The following ROBO1 variants were observed in gnomAD, a reference collection of about 807,000 sequenced individuals.
The protein encoded by ROBO1 is roundabout homolog 1.
Under a neutral mutation model 195.9 loss-of-function variants are expected in ROBO1, and 149 were observed. The observed-to-expected ratio is 0.76, with a 90% CI of 0.67 to 0.87. The LOEUF is 0.87. Among genes scored for constraint, ROBO1 ranks in the 40% least tolerant of loss-of-function variants. The pLI is 0.00. For synonymous variants in ROBO1, 816 were observed against 733.2 expected (o/e 1.11, Z -1.82); for missense variants, 1,933 against 2,068.3 (o/e 0.93, Z 1.27).
intron 3 of ROBO1, among the ~76,000 whole-genome samples, chr3:78,954,541 C>A (rs2107792981): frequency 6.6e-6 from 1 of 152,078 alleles, no homozygotes; most frequent in East Asian, 1.9e-4. Flanking sequence ...GCTGTTAGAA[C>A]CAATCAGACG....
intron 2 of ROBO1, among the ~76,000 whole-genome samples, chr3:79,439,801 T>C (rs1262151799): frequency 6.6e-6 from 1 of 152,224 alleles, no homozygotes; most frequent in African/African-American, 2.4e-5. Context: ...TGTTTTTATG[T>C]TCATTCTTAG....
chr3:78,668,585 A>ATAAATATTTGGAAAAATCAAG lies in ROBO1; in HGVS notation c.1549-41_1549-21dup. The ATAAATATTTGGAAAAATCAAG allele has an allele frequency of 6.2e-7, 1 of 1,611,726 alleles. No individual in the cohort carries two copies. The highest frequency in any genetic ancestry group is 8.5e-7 in the Non-Finnish European group (1 of 1,178,314). On this transcript the variant is annotated intron_variant, in intron 11 of 30. Transcript: ENST00000464233. ...ACCCAGCTGAGAAGGCAGACAAAAA[A>ATAAATATTTGGAAAAATCAAG]TAAATATTTGGAAAAATCAAGAACT...
At chr3:78,651,407 A>T (rs2107618366) in intron 19 of ROBO1, among the ~76,000 whole-genome samples, 1 of 152,316 alleles carries the variant, frequency 6.6e-6, no homozygotes, top group Admixed American at 6.5e-5. Flanking sequence ...CAAGAACATT[A>T]AAAATTTCCT....
intron 2 of ROBO1, among the ~76,000 whole-genome samples, chr3:79,226,831 G>T (rs1270740545): frequency 3.3e-5 from 5 of 152,042 alleles, no homozygotes; most frequent in African/African-American, 1.2e-4. Context: ...ACAGGCATGA[G>T]CCACTGCACC....
At chr3:78,985,639 G>A (rs749109246) in intron 3 of ROBO1, among the ~76,000 whole-genome samples, 38 of 152,044 alleles carry the variant, frequency 2.5e-4, no homozygotes, top group Non-Finnish European at 5.0e-4. Flanking sequence ...GCTATTTAGC[G>A]GCATCCTTGG....
At chr3:79,164,459 T>A (rs185001227) in intron 2 of ROBO1, among the ~76,000 whole-genome samples, 27 of 152,320 alleles carry the variant, frequency 1.8e-4, no homozygotes, top group Non-Finnish European at 2.8e-4. Context: ...ACCACCTTTA[T>A]AATGTAACCA....
intron 2 of ROBO1, among the ~76,000 whole-genome samples, chr3:79,360,102 G>A (rs553242200): frequency 4.9e-4 from 74 of 152,080 alleles, no homozygotes; most frequent in African/African-American, 1.6e-3. Flanking sequence ...TGTTTTGGAT[G>A]GAGTTCAAAC....
intron 3 of ROBO1, among the ~76,000 whole-genome samples, chr3:78,982,579 A>T (rs900383250): frequency 6.6e-6 from 1 of 152,200 alleles, no homozygotes; most frequent in African/African-American, 2.4e-5. Flanking sequence ...ACTTAAAGTC[A>T]TTTACATTGT....
intron 3 of ROBO1, among the ~76,000 whole-genome samples, chr3:78,942,336 T>TA (rs1157835609): frequency 1.3e-5 from 2 of 151,926 alleles, no homozygotes; most frequent in Non-Finnish European, 2.9e-5. Context: ...AGCCAGAACT[T>TA]AGACATTAAC....
At chr3:79,752,628 T>C (rs188794700) in intron 1 of ROBO1, among the ~76,000 whole-genome samples, 5 of 152,202 alleles carry the variant, frequency 3.3e-5, no homozygotes, top group African/African-American at 4.8e-5. Flanking sequence ...AAAGCAAAAA[T>C]TTTATTGAAA....
chr3:79,012,612 T>TA (rs1189801640), intron 3 of ROBO1, among the ~76,000 whole-genome samples: 5 of 152,244 alleles, frequency 3.3e-5, no homozygotes, highest in Admixed American at 6.5e-5. Flanking sequence ...CTGTTCAAAA[T>TA]ATTATTTTAT....
chr3:79,643,903 A>G (rs1438354253), intron 1 of ROBO1, among the ~76,000 whole-genome samples: 2 of 152,074 alleles, frequency 1.3e-5, no homozygotes, highest in Non-Finnish European at 2.9e-5. Flanking sequence ...TCTCCAAATA[A>G]AAAAACGTAG....
intron 2 of ROBO1, among the ~76,000 whole-genome samples, chr3:79,352,795 G>A (rs745720037): frequency 4.0e-5 from 6 of 151,740 alleles, no homozygotes; most frequent in East Asian, 1.9e-4. Context: ...CAAGATGGCC[G>A]AATAAGATTA....
Position 78,662,052 on chromosome 3 carries a change from C to G in ROBO1, c.2029G>C (p.Val677Leu), listed in dbSNP as rs1379445581. ...ACGGTGGGGTTGTGGAGGTGCAGAA[C>G]AGCATTTCCCAGCTCTCTCTGGACC... Reference protein sequence around the residue: ...KQVQRELGNAVLHLHNPTVLS... With the variant: ...KQVQRELGNALLHLHNPTVLS... Residue 677 changes from valine to leucine, a missense_variant, in exon 15 of 31, where the codon GTT becomes CTT. Transcript: ENST00000464233. 5 of 1,594,650 alleles carry G rather than the reference C, an allele frequency of 3.1e-6. No individual in the cohort carries two copies. The highest frequency in any genetic ancestry group is 4.3e-6 in the Non-Finnish European group (5 of 1,170,142).
chr3:79,600,892 T>C (rs1220289188), intron 1 of ROBO1, among the ~76,000 whole-genome samples: 1 of 152,020 alleles, frequency 6.6e-6, no homozygotes, highest in Non-Finnish European at 1.5e-5. Context: ...TTCATTTATT[T>C]AATAAACGTT....
At chr3:78,622,639 G>T (rs915498172) in intron 26 of ROBO1, among the ~76,000 whole-genome samples, 3 of 152,194 alleles carry the variant, frequency 2.0e-5, no homozygotes, top group African/African-American at 4.8e-5. Context: ...AGGTAGATGA[G>T]TTCAACACTC....
intron 3 of ROBO1, among the ~76,000 whole-genome samples, chr3:78,991,144 C>T (rs139528774): frequency 6.6e-6 from 1 of 152,176 alleles, no homozygotes; most frequent in African/African-American, 2.4e-5. Context: ...ACACACAATG[C>T]CTCCTCTATT....
chr3:78,933,486 C>T (rs866371973), intron 4 of ROBO1, among the ~76,000 whole-genome samples: 3 of 152,048 alleles, frequency 2.0e-5, no homozygotes, highest in African/African-American at 7.2e-5. Flanking sequence ...TGTGCCTATA[C>T]CTCACTTATG....
intron 8 of ROBO1, among the ~76,000 whole-genome samples, chr3:78,697,340 T>C (rs1357919937): frequency 6.6e-6 from 1 of 152,094 alleles, no homozygotes; most frequent in Non-Finnish European, 1.5e-5. Context: ...GACATGTGTA[T>C]GAGTCAGAAA....
Sources: allele counts gnomAD v4.1 joint callset (sites outside exome capture counted in the v4.1 genomes callset), GRCh38; gene constraint gnomAD v4.1.1; transcripts MANE v1.5; gene names NCBI Gene and HGNC (gene_info 2026-07-23, HGNC 2026-07-21).